MAP3K7: variants seen among roughly 807,000 people sequenced by gnomAD.
MAP3K7 encodes the protein mitogen-activated protein kinase kinase kinase 7.
MAP3K7 carries 21 observed loss-of-function variants against 84.8 expected under a neutral mutation model. That is an observed-to-expected ratio of 0.25 (90% confidence interval 0.18 to 0.36). The LOEUF is 0.36. Ranked by LOEUF, MAP3K7 falls within the 10% of genes least tolerant of loss-of-function variation. The pLI is 1.00. For missense variants in MAP3K7, 503 were observed against 747.7 expected (o/e 0.67, Z 3.82); for synonymous variants, 241 against 247.7 (o/e 0.97, Z 0.25).
In MAP3K7 at chr6:90,516,409, G is replaced by A. The variant is rs549527426; in HGVS notation, c.*92C>T. ...GTTGGCATTCAGAACACGCCAAAAA[G>A]CTAACACTCATGAATCGTCATTATA... On this transcript the variant is annotated 3_prime_UTR_variant, in exon 17 of 17. Transcript: ENST00000369329. The A allele has an allele frequency of 4.4e-5, 59 of 1,341,672 alleles. No individual in the cohort carries two copies. In the African/African-American group the frequency reaches 7.7e-4, roughly 18 times the overall value. The allele number at this position is 1,341,672 out of a possible 1,614,324, so 83.1% of individuals were successfully genotyped here.
At chr6:90,517,198 A>T (rs1774994976) in intron 16 of MAP3K7, among the ~76,000 whole-genome samples, 1 of 151,864 alleles carries the variant, frequency 6.6e-6, no homozygotes, top group African/African-American at 2.4e-5. Context: ...GAAAAATGAC[A>T]AAGTACCACT....
At chr6:90,561,208 T>C (rs545421839) in intron 4 of MAP3K7, among the ~76,000 whole-genome samples, 58 of 152,004 alleles carry the variant, frequency 3.8e-4, no homozygotes, top group African/African-American at 1.1e-3. Context: ...AAATAAAAGG[T>C]TGTGTGAAGT....
intron 14 of MAP3K7, among the ~76,000 whole-genome samples, chr6:90,521,353 T>C (rs1049450718): frequency 6.6e-6 from 1 of 151,942 alleles, no homozygotes; most frequent in African/African-American, 2.4e-5. Flanking sequence ...TTGGTTAAAT[T>C]AAGGCAAACT....
In MAP3K7 at chr6:90,554,674, T is replaced by C. The variant is rs1271816808; in HGVS notation, c.608-1088A>G. ...TTGCTCTAGACAATTAAGGGTTGTC[T>C]AGAGCAATAAAATTAATCTTTTGTA... On this transcript the variant is annotated intron_variant, in intron 6 of 16. Coordinates refer to ENST00000369329, the MANE Select transcript of MAP3K7 (RefSeq NM_145331.3). 4.6e-5 allele frequency among the ~76,000 whole-genome samples: 7 copies of C among 152,292 alleles called. No individual in the cohort carries two copies. The East Asian group carries it at 1.2e-3, about 25-fold the overall frequency.
rs778131562 is a variant in MAP3K7 at position 90,547,354 on chromosome 6, G to C, written c.1114C>G (p.Arg372Gly). ...GGCAAGCTCTCCACACTGCTCCCAC[G>C]GGAGGCTCCCAAGCTTAAACGTCCA... ...ESGRLSLGAS[R>G]GSSVESLPPT... The change falls in exon 11 of 17, where the codon CGT (arginine) becomes GGT (glycine). Residue 372 changes from arginine to glycine, a missense_variant. Coordinates refer to ENST00000369329, the MANE Select transcript of MAP3K7 (RefSeq NM_145331.3). The C allele has an allele frequency of 6.2e-7, 1 of 1,612,230 alleles. No individual in the cohort carries two copies. Among genetic ancestry groups the C allele is most frequent in the South Asian group, 1.1e-5 (1 of 90,838 alleles).
chr6:90,575,957 G>A (rs1246478979), intron 1 of MAP3K7, among the ~76,000 whole-genome samples: 1 of 152,170 alleles, frequency 6.6e-6, no homozygotes, highest in African/African-American at 2.4e-5. Context: ...TCTAGCGTAT[G>A]TGAAGGGAGG....
At chr6:90,532,018 G>A (rs1775525117) in intron 13 of MAP3K7, among the ~76,000 whole-genome samples, 1 of 151,112 alleles carries the variant, frequency 6.6e-6, no homozygotes, top group Non-Finnish European at 1.5e-5. Context: ...CTATGAAGAA[G>A]GAATTATTCA....
At chr6:90,540,183 T>C (rs1395908704) in intron 12 of MAP3K7, among the ~76,000 whole-genome samples, 1 of 151,924 alleles carries the variant, frequency 6.6e-6, no homozygotes, top group African/African-American at 2.4e-5. Flanking sequence ...TTCTTTTGCA[T>C]ATCCTTAAGA....
intron 1 of MAP3K7, among the ~76,000 whole-genome samples, chr6:90,580,101 C>T (rs905148068): frequency 2.6e-5 from 4 of 152,114 alleles, no homozygotes; most frequent in African/African-American, 9.7e-5. Context: ...AACATAAAAT[C>T]GTGGAGAAGA....
chr6:90,544,615 G>GT lies in MAP3K7; in HGVS notation c.1227dup (p.Arg410ThrfsTer5), dbSNP rs1475099225. On this transcript the variant is annotated frameshift_variant, in exon 12 of 17. Coordinates refer to ENST00000369329, the MANE Select transcript of MAP3K7 (RefSeq NM_145331.3). LOFTEE classifies it high-confidence loss of function. ...AATGAAGCAGTTTTACGGTGGCCCC[G>GT]TTTAGGCTTGGAATAGGCTGCAAAA... is the stretch of plus-strand genomic sequence containing the variant. 1 of 1,612,234 alleles carries GT rather than the reference G, an allele frequency of 6.2e-7. No individual in the cohort carries two copies. Among genetic ancestry groups the GT allele is most frequent in the Non-Finnish European group, 8.5e-7 (1 of 1,178,826 alleles).
intron 1 of MAP3K7, among the ~76,000 whole-genome samples, chr6:90,577,298 T>A (rs939948472): frequency 6.6e-6 from 1 of 152,234 alleles, no homozygotes; most frequent in African/African-American, 2.4e-5. Flanking sequence ...GATTTTTTTT[T>A]AATAACTCAG....
chr6:90,571,837 CAAAA>C (rs755517486), intron 1 of MAP3K7, 30 bp from the exon 2 acceptor site: 30 of 1,237,808 alleles, frequency 2.4e-5, no homozygotes, highest in Middle Eastern at 1.9e-4. Flanking sequence ...AAAAAACAAA[CAAAA>C]AACACCACAA....
At chr6:90,555,487 C>A (rs923968767) in intron 6 of MAP3K7, among the ~76,000 whole-genome samples, 1 of 152,160 alleles carries the variant, frequency 6.6e-6, no homozygotes, top group Non-Finnish European at 1.5e-5. Context: ...GATCTCCTGA[C>A]CTCATGATCC....
chr6:90,536,533 T>C, intron 12 of MAP3K7, 132 bp from the exon 13 acceptor site: 1 of 620,406 alleles, frequency 1.6e-6, no homozygotes, highest in Non-Finnish European at 2.8e-6. Context: ...GAAAAAAAAG[T>C]GAGTTTATTG....
At chr6:90,520,853 TA>T (rs977073230) in intron 14 of MAP3K7, among the ~76,000 whole-genome samples, 43 of 152,152 alleles carry the variant, frequency 2.8e-4, no homozygotes, top group African/African-American at 1.0e-3. Flanking sequence ...TAAAACTGAT[TA>T]AAAATGACTG....
At chr6:90,533,271 T>C (rs1775564647) in intron 13 of MAP3K7, among the ~76,000 whole-genome samples, 2 of 152,184 alleles carry the variant, frequency 1.3e-5, no homozygotes, top group Admixed American at 1.3e-4. Context: ...TAGGCTTTAT[T>C]GGTATTGTCA....
intron 1 of MAP3K7, 119 bp from the exon 2 acceptor site, chr6:90,571,926 A>C (rs1038736210): frequency 2.0e-6 from 1 of 501,248 alleles, no homozygotes; most frequent in Non-Finnish European, 3.4e-6. Context: ...AAAAAAAAAA[A>C]AAACATGGAA....
At chr6:90,544,470 G>A in intron 12 of MAP3K7, 82 bp downstream of exon 12, 1 of 1,209,398 alleles carries the variant, frequency 8.3e-7, no homozygotes, top group East Asian at 2.3e-5. Flanking sequence ...TGTAAAAATT[G>A]GAGCAAGAAG....
chr6:90,553,547 C>A lies in MAP3K7; in HGVS notation c.647G>T (p.Gly216Val). The part of the protein sequence containing the change: ...YSEKCDVFSW[G>V]IILWEVITRR... ...CGTTATCACTTCCCAAAGAATAATA[C>A]CCCAGCTGAAGACGTCACATTTTTC... The change falls in exon 7 of 17, where the codon GGT (glycine) becomes GTT (valine). Residue 216 changes from glycine to valine, a missense_variant. This residue lies in a region of MAP3K7 where 97 missense variants were observed against 270.8 expected (regional missense o/e 0.36). Coordinates refer to ENST00000369329, the MANE Select transcript of MAP3K7 (RefSeq NM_145331.3). The A allele has an allele frequency of 6.2e-7, 1 of 1,613,492 alleles. No homozygotes were observed. The highest frequency in any genetic ancestry group is 8.5e-7 in the Non-Finnish European group (1 of 1,179,792).
Sources: allele counts gnomAD v4.1 joint callset (sites outside exome capture counted in the v4.1 genomes callset), GRCh38; gene constraint gnomAD v4.1.1; regional missense constraint gnomAD v4.1.1; transcripts MANE v1.5; gene names NCBI Gene and HGNC (gene_info 2026-07-23, HGNC 2026-07-21).